The following HMCN1 variants were observed in gnomAD, a reference collection of about 807,000 sequenced individuals.
HMCN1 encodes the protein hemicentin 1.
Under a neutral mutation model 625.9 loss-of-function variants are expected in HMCN1, and 321 were observed. That is an observed-to-expected ratio of 0.51 (90% CI 0.47 to 0.56). HMCN1 has a LOEUF of 0.56. HMCN1 is among the 20% of genes least tolerant of loss of function. HMCN1 has a pLI of 0.00. For missense variants in HMCN1, 6,588 were observed against 6,887.3 expected, an observed-to-expected ratio of 0.96 and a Z score of 1.54; for synonymous variants, 2,425 against 2,417.6, an observed-to-expected ratio of 1.00 and a Z score of -0.09.
chr1:186,020,336 G>A lies in HMCN1; in HGVS notation c.5625+641G>A, dbSNP rs187131719. ...TCAGAATTAATAGATTTTGCTAATA[G>A]GATCGAGTTAATTGACTAATGTGGG... On this transcript the variant is annotated intron_variant, in intron 35 of 106. Transcript: ENST00000271588. Among the ~76,000 whole-genome samples, 4 of 152,132 alleles carry A rather than the reference G, an allele frequency of 2.6e-5. No homozygotes were observed. The East Asian group carries it at 5.8e-4, about 22-fold the overall frequency.
In HMCN1 at chr1:185,815,339, T is replaced by A. The variant is rs1414906949; in HGVS notation, c.269-30687T>A. Among the ~76,000 whole-genome samples the A allele has an allele frequency of 1.3e-5, 2 of 150,328 alleles. 1 individual carries two copies. The highest frequency in any genetic ancestry group is 5.0e-5 in the African/African-American group (2 of 39,704). On this transcript the variant is annotated intron_variant, in intron 1 of 106. Transcript: ENST00000271588. ...AAGTTTAGTTTTTTATATAAAAAGT[T>A]CTATGTCAGTTGTTTACAAGTCAAA...
intron 13 of HMCN1, among the ~76,000 whole-genome samples, chr1:185,964,713 G>C (rs1650274207): frequency 6.6e-6 from 1 of 152,038 alleles, no homozygotes; most frequent in African/African-American, 2.4e-5. Flanking sequence ...GGTTGGCAGA[G>C]GGGAAGACTA....
chr1:186,106,844 A>G, intron 69 of HMCN1, 40 bp from the exon 70 acceptor site: 1 of 1,311,352 alleles, frequency 7.6e-7, no homozygotes, highest in Non-Finnish European at 1.1e-6. Flanking sequence ...ACAAAAGCTA[A>G]CATGTTAACA....
At chr1:185,737,907 A>C (rs1653701735) in intron 1 of HMCN1, among the ~76,000 whole-genome samples, 1 of 152,184 alleles carries the variant, frequency 6.6e-6, no homozygotes, top group Non-Finnish European at 1.5e-5. Context: ...TGGAACACAT[A>C]GGTAGTGGAG....
intron 84 of HMCN1, 24 bp from the exon 85 acceptor site, chr1:186,130,483 T>C: frequency 1.2e-6 from 2 of 1,604,602 alleles, no homozygotes; most frequent in Non-Finnish European, 1.7e-6. Context: ...TTTTACTTTG[T>C]ACCTGTCTTA....
chr1:185,827,226 G>A (rs994592527), intron 1 of HMCN1, among the ~76,000 whole-genome samples: 46 of 140,462 alleles, frequency 3.3e-4, no homozygotes, highest in African/African-American at 1.1e-3. Context: ...GAAATGAAGA[G>A]GGAAACCAAA....
At chr1:185,816,683 TG>T (rs1206291347) in intron 1 of HMCN1, among the ~76,000 whole-genome samples, 1 of 152,136 alleles carries the variant, frequency 6.6e-6, no homozygotes, top group African/African-American at 2.4e-5. Context: ...TGCCCCAATG[TG>T]GGGGCTGAGG....
In HMCN1 at chr1:185,875,583, T is replaced by C. The variant is rs531049807; in HGVS notation, c.621+9720T>C. 3.9e-5 allele frequency among the ~76,000 whole-genome samples: 6 copies of C among 152,230 alleles called. No individual in the cohort carries two copies. In the East Asian group the frequency reaches 1.2e-3, roughly 29 times the overall value. ...ACAATGACTGTTGCCTCAGTCTTCA[T>C]TTCCTTGTGTAAAATTTGACACTAT... is the stretch of plus-strand genomic sequence containing the variant. On this transcript the variant is annotated intron_variant, in intron 4 of 106. Transcript: ENST00000271588.
At chr1:186,142,087 A>G (rs1464080697) in intron 89 of HMCN1, among the ~76,000 whole-genome samples, 36 of 152,154 alleles carry the variant, frequency 2.4e-4, no homozygotes. Context: ...TTTGATGTAC[A>G]GATTATTTTG....
intron 11 of HMCN1, among the ~76,000 whole-genome samples, chr1:185,944,589 C>T (rs2102518052): frequency 6.6e-6 from 1 of 152,312 alleles, no homozygotes; most frequent in East Asian, 1.9e-4. Flanking sequence ...TTCTCTAGAG[C>T]TTTATAGAAT....
intron 96 of HMCN1, among the ~76,000 whole-genome samples, chr1:186,153,156 C>T (rs1036831209): frequency 8.5e-5 from 13 of 152,120 alleles, no homozygotes; most frequent in African/African-American, 2.7e-4. Context: ...CTTGCATAAA[C>T]GTTTTTGTGT....
At chr1:185,844,918 A>G (rs34969425) in intron 1 of HMCN1, among the ~76,000 whole-genome samples, 2 of 152,242 alleles carry the variant, frequency 1.3e-5, no homozygotes, top group African/African-American at 4.8e-5. Context: ...ATATGTATAT[A>G]CAGATTTCCA....
chr1:185,805,075 TG>T (rs1385383706), intron 1 of HMCN1, among the ~76,000 whole-genome samples: 2 of 152,152 alleles, frequency 1.3e-5, no homozygotes, highest in Admixed American at 6.5e-5. Flanking sequence ...AAGTTTTTAG[TG>T]GGGAAAAATT....
intron 4 of HMCN1, among the ~76,000 whole-genome samples, chr1:185,906,432 C>A (rs1666098613): frequency 6.6e-6 from 1 of 151,732 alleles, no homozygotes; most frequent in Non-Finnish European, 1.5e-5. Context: ...AACCAAAGCC[C>A]ACTTATATTC....
chr1:186,172,063 G>T lies in HMCN1; in HGVS notation c.15746G>T (p.Arg5249Leu), dbSNP rs766387783. ...CCAGATCAGCACTGTAAGAACACCC[G>T]TGGTGGCTATAAGTGCATTGATCTT... Reference protein sequence around the residue: ...CRPDQHCKNTRGGYKCIDLCP... With the variant: ...CRPDQHCKNTLGGYKCIDLCP... Residue 5249 changes from arginine (R) to leucine (L), a missense_variant, in exon 102 of 107, where the codon CGT becomes CTT. This residue lies in a region of HMCN1 where 1,954 missense variants were observed against 2,013.1 expected (regional missense o/e 0.97). Coordinates refer to ENST00000271588, the MANE Select transcript of HMCN1 (RefSeq NM_031935.3). The T allele has an allele frequency of 6.2e-7, 1 of 1,613,686 alleles. No homozygotes were observed. Among genetic ancestry groups the T allele is most frequent in the Non-Finnish European group, 8.5e-7 (1 of 1,179,760 alleles).
At chr1:186,035,938 C>T (rs1655791109) in intron 36 of HMCN1, among the ~76,000 whole-genome samples, 2 of 152,092 alleles carry the variant, frequency 1.3e-5, no homozygotes, top group African/African-American at 4.8e-5. Flanking sequence ...ACTACACAGC[C>T]AATTTCTGAG....
chr1:185,819,682 A>G (rs549241686), intron 1 of HMCN1, among the ~76,000 whole-genome samples: 3 of 152,212 alleles, frequency 2.0e-5, no homozygotes, highest in Non-Finnish European at 4.4e-5. Context: ...TTACTTAAAA[A>G]AGTCATCATT....
chr1:185,999,034 T>C (rs961083584), intron 25 of HMCN1, among the ~76,000 whole-genome samples: 3 of 152,062 alleles, frequency 2.0e-5, no homozygotes, highest in Non-Finnish European at 4.4e-5. Context: ...TTTAATTTTT[T>C]TCCATAAATA....
At chr1:185,735,677 A>G (rs1653511555) in intron 1 of HMCN1, among the ~76,000 whole-genome samples, 1 of 152,220 alleles carries the variant, frequency 6.6e-6, no homozygotes, top group Non-Finnish European at 1.5e-5. Flanking sequence ...AATTGCTTGT[A>G]ATTCGGAATG....
Sources: gnomAD v4.1 joint callset for allele counts (sites outside exome capture counted in the v4.1 genomes callset) on GRCh38, gnomAD v4.1.1 for gene constraint, gnomAD v4.1.1 regional missense constraint, MANE v1.5 for transcripts, NCBI Gene and HGNC (gene_info 2026-07-23, HGNC 2026-07-21) for gene names.